LRP2: variants seen among roughly 807,000 people sequenced by gnomAD.
LRP2 encodes the protein LDL receptor related protein 2.
Under a neutral mutation model 531.0 loss-of-function variants are expected in LRP2, and 172 were observed. The observed-to-expected ratio is 0.32, with a 90% CI of 0.29 to 0.37. The LOEUF (loss-of-function observed/expected upper bound fraction) is 0.37, where lower values mean the gene tolerates loss of function less well. Among genes scored for constraint, LRP2 ranks in the 10% least tolerant of loss-of-function variants. The pLI, the probability that LRP2 is intolerant of heterozygous loss-of-function variation, is 1.00. For missense variants in LRP2, 5,167 were observed against 5,868.3 expected, an observed-to-expected ratio of 0.88 and a Z score of 3.90; for synonymous variants, 1,992 against 2,027.6, an observed-to-expected ratio of 0.98 and a Z score of 0.47.
At chr2:169,320,279 T>C (rs919420642) in intron 2 of LRP2, among the ~76,000 whole-genome samples, 3 of 152,228 alleles carry the variant, frequency 2.0e-5, no homozygotes, top group Non-Finnish European at 4.4e-5. Flanking sequence ...TTTTTAAAAC[T>C]AGAATTTTTA....
In LRP2 at chr2:169,212,202, C is replaced by A; in HGVS notation, c.6046G>T (p.Ala2016Ser). The A allele has an allele frequency of 6.2e-7, 1 of 1,613,940 alleles. No individual in the cohort carries two copies. The highest frequency in any genetic ancestry group is 8.5e-7 in the Non-Finnish European group (1 of 1,179,888). Residue 2016 changes from alanine to serine, a missense_variant, in exon 37 of 79, where the codon GCC becomes TCC. This residue lies in a region of LRP2 where 2,811 missense variants were observed against 3,058.0 expected (regional missense o/e 0.92). Transcript: ENST00000649046. Reference protein sequence around the residue: ...GLQVYHRRNAAESSNGCSNNM... With the variant: ...GLQVYHRRNASESSNGCSNNM... The stretch of plus-strand genomic sequence containing the variant: ...TTGCTACAGCCATTTGAGGATTCGG[C>A]GGCATCTAAATGAAAACAAAATCCA...
At chr2:169,168,781 T>C (rs1308168479) in intron 60 of LRP2, 105 bp from the exon 61 acceptor site, 24 of 1,229,616 alleles carry the variant, frequency 2.0e-5, no homozygotes, top group Non-Finnish European at 2.8e-5. Context: ...AGCCTGCTCT[T>C]CTTTATTCAT....
At chr2:169,354,741 T>C (rs1392200994) in intron 1 of LRP2, among the ~76,000 whole-genome samples, 1 of 152,214 alleles carries the variant, frequency 6.6e-6, no homozygotes, top group East Asian at 1.9e-4. Context: ...AGAGTACATA[T>C]ATCTGGCATT....
chr2:169,357,654 C>T (rs1171049177), intron 1 of LRP2, among the ~76,000 whole-genome samples: 1 of 152,102 alleles, frequency 6.6e-6, no homozygotes, highest in Non-Finnish European at 1.5e-5. Context: ...TTCTACTTAC[C>T]TTGTTCTAGC....
At chr2:169,292,432 T>C in intron 6 of LRP2, 63 bp from the exon 7 acceptor site, 2 of 1,023,164 alleles carry the variant, frequency 2.0e-6, no homozygotes, top group Non-Finnish European at 3.1e-6. Context: ...GAAAGTGCTC[T>C]CACCTCACTG....
chr2:169,237,052 T>TC (rs1689631675), intron 28 of LRP2, 51 bp downstream of exon 28: 2 of 1,462,426 alleles, frequency 1.4e-6, no homozygotes, highest in South Asian at 2.3e-5. Context: ...CTGTTGTTTT[T>TC]CCCTCATCAT....
intron 15 of LRP2, among the ~76,000 whole-genome samples, chr2:169,271,939 T>C (rs1253704845): frequency 6.6e-6 from 1 of 151,972 alleles, no homozygotes; most frequent in Non-Finnish European, 1.5e-5. Flanking sequence ...GTCAAGAAGA[T>C]GAAGGAGGTA....
intron 1 of LRP2, among the ~76,000 whole-genome samples, chr2:169,344,807 T>C (rs1685655154): frequency 6.6e-6 from 1 of 152,194 alleles, no homozygotes; most frequent in East Asian, 1.9e-4. Flanking sequence ...CCAAATGTGC[T>C]GAGATGAAGG....
At chr2:169,361,414 C>T (rs1235642701) in intron 1 of LRP2, among the ~76,000 whole-genome samples, 1 of 145,682 alleles carries the variant, frequency 6.9e-6, no homozygotes, top group Non-Finnish European at 1.5e-5. Flanking sequence ...CCTCTCTCTC[C>T]TCTCTCTCTC....
rs1574090935 is a variant in LRP2 at position 169,168,820 on chromosome 2, G to C, written c.11498-144C>G. 34 of 866,692 alleles carry C rather than the reference G, an allele frequency of 3.9e-5. No individual in the cohort carries two copies. In the East Asian group the frequency reaches 8.8e-4, roughly 22 times the overall value. The allele number at this position is 866,692 out of a possible 1,614,324, so 53.7% of individuals were successfully genotyped here. A position where few individuals can be genotyped will look rare whatever the true frequency, so the allele number is the denominator to read the frequency against. ...GATGTATAGTGGCCTTGACCTGTCTGAAAGTTGAACGGACTATGTCTTAAG... is the reference window on the plus strand; with the variant it reads ...GATGTATAGTGGCCTTGACCTGTCTCAAAGTTGAACGGACTATGTCTTAAG... On this transcript the variant is annotated intron_variant, in intron 60 of 78. Coordinates refer to ENST00000649046, the MANE Select transcript of LRP2 (RefSeq NM_004525.3).
chr2:169,331,299 A>G (rs1437040040), intron 1 of LRP2, among the ~76,000 whole-genome samples: 1 of 152,210 alleles, frequency 6.6e-6, no homozygotes, highest in Middle Eastern at 3.2e-3. Context: ...TACATTCACA[A>G]AAAATTAAAA....
intron 35 of LRP2, among the ~76,000 whole-genome samples, chr2:169,214,526 G>T (rs1382998483): frequency 2.6e-5 from 4 of 152,010 alleles, no homozygotes; most frequent in Non-Finnish European, 4.4e-5. Context: ...CAGGATCTGG[G>T]CTGGGTATTG....
intron 17 of LRP2, among the ~76,000 whole-genome samples, chr2:169,258,352 T>A (rs1288528056): frequency 6.6e-6 from 1 of 152,134 alleles, no homozygotes; most frequent in Non-Finnish European, 1.5e-5. Context: ...CTGATGAGAT[T>A]ATATATCTAA....
chr2:169,289,143 T>C lies in LRP2; in HGVS notation c.925A>G (p.Met309Val), dbSNP rs1206091125. ...CAGTTCAAGGCAGAGCACAGAGTCATACCTAAACGAAGAAAAGAACTTTGT... is the reference window on the plus strand; with the variant it reads ...CAGTTCAAGGCAGAGCACAGAGTCACACCTAAACGAAGAAAAGAACTTTGT... ...NNTSTGKYCS[M>V]TLCSALNCQY... Residue 309 changes from methionine to valine, a missense_variant and splice_region_variant, in exon 9 of 79, where the codon ATG (methionine) becomes GTG (valine). Around this residue, in one of 6 missense-constraint regions of LRP2, gnomAD observed 2,811 missense variants for 3,058.0 expected, o/e 0.92. Transcript: ENST00000649046. 5 of 1,613,956 alleles carry C rather than the reference T, an allele frequency of 3.1e-6. No homozygotes were observed. The highest frequency in any genetic ancestry group is 1.3e-5 in the African/African-American group (1 of 74,916).
At position 169,185,840 on chromosome 2, in the gene LRP2, C is replaced by T. The variant is rs1687616710; in HGVS notation, c.9508G>A (p.Val3170Ile). ...CACTTACAGATGTAGGAGCCTATTA[C>T]ATTCTCACACTTCTGGCTACAGACA... ...PFVCSQKCEN[V>I]IGSYICKCAP... Residue 3170 changes from valine (V) to isoleucine (I), a missense_variant, in exon 50 of 79, where the codon GTA becomes ATA. Val to Ile is a conservative substitution (Grantham distance 29). This residue lies in a region of LRP2 where 1,129 missense variants were observed against 1,362.7 expected (regional missense o/e 0.83). Transcript: ENST00000649046. 2 of 1,614,062 alleles carry T rather than the reference C, an allele frequency of 1.2e-6. No individual in the cohort carries two copies. Among genetic ancestry groups the T allele is most frequent in the East Asian group, 2.2e-5 (1 of 44,878 alleles).
intron 48 of LRP2, 59 bp from the exon 49 acceptor site, chr2:169,188,324 C>T: frequency 6.4e-7 from 1 of 1,551,818 alleles, no homozygotes; most frequent in Non-Finnish European, 8.9e-7. Context: ...TCAACTATTA[C>T]CCACTTGGGG....
intron 17 of LRP2, 51 bp downstream of exon 17, chr2:169,258,974 C>G (rs1690422690): frequency 6.6e-7 from 1 of 1,525,020 alleles, no homozygotes; most frequent in South Asian, 1.1e-5. Context: ...TTTTCAATGA[C>G]TGTAAAAGAC....
In LRP2 at chr2:169,128,537, A is replaced by T. The variant is rs935021483; in HGVS notation, c.*126T>A. The T allele has an allele frequency of 2.2e-6, 2 of 922,334 alleles. No homozygotes were observed. Among genetic ancestry groups the T allele is most frequent in the African/African-American group, 1.7e-5 (1 of 60,528 alleles). 57.1% of individuals were successfully genotyped at this position (922,334 alleles called of 1,614,324 possible). Reference sequence around the variant, plus strand: ...AAAAAAGACACACAGGATACCTCCAACTATAGGCAAACAGGGAAAAATATA... The same window carrying T: ...AAAAAAGACACACAGGATACCTCCATCTATAGGCAAACAGGGAAAAATATA... On this transcript the variant is annotated 3_prime_UTR_variant, in exon 79 of 79. Coordinates refer to ENST00000649046, the MANE Select transcript of LRP2 (RefSeq NM_004525.3).
intron 16 of LRP2, among the ~76,000 whole-genome samples, chr2:169,260,553 T>C (rs1690504268): frequency 6.6e-6 from 1 of 152,014 alleles, no homozygotes; most frequent in African/African-American, 2.4e-5. Context: ...GATTGTAGGA[T>C]ATCCAGGTGA....
Sources: allele counts gnomAD v4.1 joint callset (sites outside exome capture counted in the v4.1 genomes callset), GRCh38; gene constraint gnomAD v4.1.1; regional missense constraint gnomAD v4.1.1; transcripts MANE v1.5; gene names NCBI Gene and HGNC (gene_info 2026-07-23, HGNC 2026-07-21).